Variants in DIAPH2 observed in about 807,000 individuals in gnomAD.
DIAPH2 encodes diaphanous related formin 2.
DIAPH2 carries 35 observed loss-of-function variants against 92.7 expected under a neutral mutation model. The ratio of observed to expected loss-of-function variants is 0.38; its 90% CI spans 0.29 to 0.50. The LOEUF (loss-of-function observed/expected upper bound fraction) is 0.50. DIAPH2 is among the 20% of genes least tolerant of loss of function. The pLI, the probability that DIAPH2 is intolerant of heterozygous loss-of-function variation, is 0.94. For missense variants in DIAPH2, 701 were observed against 819.5 expected (o/e 0.86, Z 1.77); for synonymous variants, 301 against 280.4 (o/e 1.07, Z -0.73).
chrX:97,517,259 C>T (rs914707154), intron 26 of DIAPH2, among the ~76,000 whole-genome samples: 2 of 112,080 alleles, frequency 1.8e-5, no homozygotes, highest in African/African-American at 6.5e-5. Context: ...TGTGGTCAGA[C>T]AGCAAGTCTA....
intron 22 of DIAPH2, among the ~76,000 whole-genome samples, chrX:97,238,241 A>G (rs997389258): frequency 1.1e-4 from 12 of 111,790 alleles, no homozygotes; most frequent in East Asian, 5.6e-4. Flanking sequence ...GTCTCTCTTT[A>G]TTTTTTCAAA....
At chrX:96,961,168 CT>C (rs1191896424) in intron 16 of DIAPH2, among the ~76,000 whole-genome samples, 1 of 111,060 alleles carries the variant, frequency 9.0e-6, no homozygotes, top group Non-Finnish European at 1.9e-5. Context: ...GGTGTTAGTT[CT>C]TTTTTACAAG....
intron 25 of DIAPH2, among the ~76,000 whole-genome samples, chrX:97,395,276 T>C (rs2147743654): frequency 9.0e-6 from 1 of 111,693 alleles, no homozygotes; most frequent in South Asian, 3.8e-4. Flanking sequence ...CTTTATCATC[T>C]GAAATCTTTC....
chrX:97,576,687 C>T (rs982669467), intron 26 of DIAPH2, among the ~76,000 whole-genome samples: 1 of 110,821 alleles, frequency 9.0e-6, no homozygotes, highest in Non-Finnish European at 1.9e-5. Context: ...TTTCACTCTA[C>T]TTGTTACTAG....
At position 96,775,356 on chromosome X, in the gene DIAPH2, TGTGTG is replaced by T. The variant is rs2064369903; in HGVS notation, c.447+17099_447+17103del. 1.4e-4 allele frequency among the ~76,000 whole-genome samples: 6 copies of T among 43,513 alleles called. No individual in the cohort carries two copies. The East Asian group carries it at 0.011, about 80-fold the overall frequency. 37.8% of individuals were successfully genotyped at this position (43,513 alleles called of 115,157 possible). On this transcript the variant is annotated intron_variant, in intron 4 of 26. Coordinates refer to ENST00000324765, the MANE Select transcript of DIAPH2 (RefSeq NM_006729.5). ...TCTTATTTTACTCAACGTGTGCTTG[TGTGTG>T]TGTGTGTGTGTGTGTGTGTGTGTGT...
intron 5 of DIAPH2, chrX:96,884,784 T>C: frequency 8.3e-7 from 1 of 1,210,946 alleles, no homozygotes. Context: ...CCGTGCATAT[T>C]CTGGAAACGG....
At chrX:96,854,409 CAAAAAT>C (rs1230676841) in intron 4 of DIAPH2, among the ~76,000 whole-genome samples, 1 of 105,988 alleles carries the variant, frequency 9.4e-6, no homozygotes, top group Non-Finnish European at 1.9e-5. Context: ...AGTTGAAAAA[CAAAAAT>C]AAAATTCTTA....
At chrX:97,349,022 GTATATATATGTGTGTA>G (rs1057447424) in intron 24 of DIAPH2, among the ~76,000 whole-genome samples, 1 of 105,827 alleles carries the variant, frequency 9.4e-6, no homozygotes, top group Non-Finnish European at 1.9e-5. Flanking sequence ...ATATATATGT[GTATATATATGTGTGTA>G]TATATATGTG....
At chrX:96,780,525 A>G (rs895025555) in intron 4 of DIAPH2, among the ~76,000 whole-genome samples, 3 of 110,989 alleles carry the variant, frequency 2.7e-5, no homozygotes, top group African/African-American at 9.8e-5. Context: ...TCTGTTGCCC[A>G]GGCTGGAGTG....
rs1306919184 is a variant in DIAPH2 at position 97,185,294 on chromosome X, C to CAAAAA, written c.2719+43509_2719+43513dup. On this transcript the variant is annotated intron_variant, in intron 22 of 26. Transcript: ENST00000324765. ...TGGGAGACAGAGTGAGACCCTGTCT[C>CAAAAA]AAAAAAAAAAAAATATATATATATA... is the stretch of plus-strand genomic sequence containing the variant. Among the ~76,000 whole-genome samples the CAAAAA allele has an allele frequency of 1.4e-3, 20 of 13,810 alleles. 1 individual carries two copies. The highest frequency in any genetic ancestry group is 8.4e-3 in the South Asian group (2 of 238). The allele number at this position is 13,810 out of a possible 115,157, so 12.0% of individuals were successfully genotyped here.
At chrX:97,497,351 C>A (rs1021248588) in intron 26 of DIAPH2, among the ~76,000 whole-genome samples, 1 of 110,716 alleles carries the variant, frequency 9.0e-6, no homozygotes, top group Non-Finnish European at 1.9e-5. Context: ...CTGCCCCCAC[C>A]CCCACGCCTC....
At chrX:97,546,210 T>A (rs2071180439) in intron 26 of DIAPH2, among the ~76,000 whole-genome samples, 1 of 111,583 alleles carries the variant, frequency 9.0e-6, no homozygotes, top group African/African-American at 3.3e-5. Flanking sequence ...TACTAACAAT[T>A]ATTGATATCA....
chrX:96,826,753 T>A (rs1469033266), intron 4 of DIAPH2, among the ~76,000 whole-genome samples: 1 of 111,471 alleles, frequency 9.0e-6, no homozygotes, highest in Admixed American at 9.5e-5. Flanking sequence ...TTAAAATTTA[T>A]TTTATTTTTA....
chrX:96,897,447 C>A (rs2065353147), intron 5 of DIAPH2, among the ~76,000 whole-genome samples: 1 of 110,071 alleles, frequency 9.1e-6, no homozygotes, highest in East Asian at 2.8e-4. Context: ...TTTACAAAGT[C>A]AAAGTTGCAT....
At chrX:97,243,115 A>G (rs1159189376) in intron 22 of DIAPH2, among the ~76,000 whole-genome samples, 2 of 111,616 alleles carry the variant, frequency 1.8e-5, no homozygotes, top group African/African-American at 3.3e-5. Context: ...CAAAATGACA[A>G]CAAAGTATTA....
At chrX:96,748,535 T>G (rs753114555) in intron 3 of DIAPH2, among the ~76,000 whole-genome samples, 2 of 111,957 alleles carry the variant, frequency 1.8e-5, no homozygotes, top group South Asian at 7.6e-4. Context: ...TTTGAACAGT[T>G]TAGTTCATCA....
intron 25 of DIAPH2, among the ~76,000 whole-genome samples, chrX:97,425,467 A>G (rs1048289674): frequency 3.6e-5 from 4 of 111,473 alleles, no homozygotes; most frequent in African/African-American, 9.8e-5. Flanking sequence ...GTCATTCCAC[A>G]ATGTTTACAT....
At chrX:96,745,801 A>C (rs186704023) in intron 3 of DIAPH2, among the ~76,000 whole-genome samples, 14 of 112,577 alleles carry the variant, frequency 1.2e-4, no homozygotes, top group Admixed American at 1.0e-3. Context: ...GCATTGGTGC[A>C]TCACTTTTCA....
intron 23 of DIAPH2, among the ~76,000 whole-genome samples, chrX:97,277,277 G>C (rs2068459746): frequency 9.0e-6 from 1 of 111,542 alleles, no homozygotes; most frequent in Non-Finnish European, 1.9e-5. Flanking sequence ...GGCGGAGGTG[G>C]TAGTGAGCAG....
Sources: gnomAD v4.1 joint callset for allele counts (sites outside exome capture counted in the v4.1 genomes callset) on GRCh38, gnomAD v4.1.1 for gene constraint, MANE v1.5 for transcripts, NCBI Gene and HGNC (gene_info 2026-07-23, HGNC 2026-07-21) for gene names.